Variants in CNTN4 observed in about 807,000 individuals in gnomAD.
The protein encoded by CNTN4 is contactin-4.
Under a neutral mutation model 122.5 loss-of-function variants are expected in CNTN4, and 77 were observed. That is an observed-to-expected ratio of 0.63 (90% confidence interval 0.52 to 0.76). CNTN4 has a LOEUF of 0.76. Among genes scored for constraint, CNTN4 ranks in the 30% least tolerant of loss-of-function variants. The pLI is 0.00. For missense variants in CNTN4, 1,256 were observed against 1,259.1 expected (o/e 1.00, Z 0.04); for synonymous variants, 512 against 447.0 (o/e 1.15, Z -1.83).
At chr3:2,289,846 C>G (rs187474159) in intron 2 of CNTN4, among the ~76,000 whole-genome samples, 2 of 152,124 alleles carry the variant, frequency 1.3e-5, no homozygotes, top group African/African-American at 4.8e-5. Context: ...ACGATAGTGG[C>G]TGAATAACAT....
At chr3:2,339,913 C>T (rs534241799) in intron 3 of CNTN4, among the ~76,000 whole-genome samples, 1 of 152,304 alleles carries the variant, frequency 6.6e-6, no homozygotes, top group South Asian at 2.1e-4. Flanking sequence ...AATCTCTTTG[C>T]TTCCTCTAGC....
intron 13 of CNTN4, among the ~76,000 whole-genome samples, chr3:2,929,008 C>G (rs975124184): frequency 1.3e-5 from 2 of 152,148 alleles, no homozygotes; most frequent in Non-Finnish European, 2.9e-5. Context: ...ACAGCATATT[C>G]ACACTAGCCT....
Position 2,510,377 on chromosome 3 carries a change from T to G in CNTN4, c.-88-61039T>G, listed in dbSNP as rs950747466. On this transcript the variant is annotated intron_variant, in intron 3 of 24. Transcript: ENST00000418658. ...GATCACCTGTTTGTTTGTTTGGGGTTTTTTTTTGTTGTTTATTTGTTTGTT... is the reference window on the plus strand; with the variant it reads ...GATCACCTGTTTGTTTGTTTGGGGTGTTTTTTTGTTGTTTATTTGTTTGTT... Among the ~76,000 whole-genome samples, 89 of 35,716 alleles carry G rather than the reference T, an allele frequency of 2.5e-3. 2 individuals carry two copies. The East Asian group carries it at 0.046, about 18-fold the overall frequency. 23.4% of individuals were successfully genotyped at this position (35,716 alleles called of 152,430 possible).
chr3:2,200,850 C>T (rs964347735), intron 2 of CNTN4, among the ~76,000 whole-genome samples: 5 of 152,058 alleles, frequency 3.3e-5, no homozygotes, highest in Admixed American at 1.3e-4. Flanking sequence ...AGTAGAGAAG[C>T]AGAGAAGAAT....
intron 3 of CNTN4, among the ~76,000 whole-genome samples, chr3:2,399,718 C>G (rs1280708299): frequency 5.9e-5 from 9 of 151,968 alleles, no homozygotes; most frequent in Non-Finnish European, 8.8e-5. Flanking sequence ...TTATGCTTCT[C>G]TAAAAATCAC....
intron 2 of CNTN4, among the ~76,000 whole-genome samples, chr3:2,327,225 A>C (rs1407488007): frequency 6.6e-6 from 1 of 152,074 alleles, no homozygotes; most frequent in Non-Finnish European, 1.5e-5. Context: ...AGTGAGTAGG[A>C]AATGTTTGCA....
rs1414333317 is a variant in CNTN4, at chr3:2,666,855, T to G, written c.56-69360T>G. On this transcript the variant is annotated intron_variant, in intron 4 of 24. Coordinates refer to ENST00000418658, the MANE Select transcript of CNTN4 (RefSeq NM_175607.3). ...AACACACGGTGTTTGGTTTTTTGTCTTTGTGATAGTGTGCTGAGAATGATG... is the reference window on the plus strand; with the variant it reads ...AACACACGGTGTTTGGTTTTTTGTCGTTGTGATAGTGTGCTGAGAATGATG... 2.0e-5 allele frequency among the ~76,000 whole-genome samples: 3 copies of G among 150,910 alleles called. No individual in the cohort carries two copies. The Admixed American group carries it at 2.0e-4, about 10-fold the overall frequency.
chr3:3,044,688 C>T (rs1332816368), intron 23 of CNTN4, among the ~76,000 whole-genome samples: 1 of 152,208 alleles, frequency 6.6e-6, no homozygotes, highest in Non-Finnish European at 1.5e-5. Context: ...GTGAGCAACG[C>T]AGTAGACTGG....
intron 7 of CNTN4, among the ~76,000 whole-genome samples, chr3:2,846,183 C>G (rs2093452675): frequency 6.6e-6 from 1 of 152,036 alleles, no homozygotes; most frequent in Non-Finnish European, 1.5e-5. Context: ...GGCTGTATTC[C>G]CAGCCAAATC....
At chr3:2,246,126 A>G (rs1285193095) in intron 2 of CNTN4, among the ~76,000 whole-genome samples, 1 of 151,930 alleles carries the variant, frequency 6.6e-6, no homozygotes, top group Non-Finnish European at 1.5e-5. Context: ...ACATTCTCTG[A>G]TAGGTTTCTG....
intron 4 of CNTN4, among the ~76,000 whole-genome samples, chr3:2,671,663 C>T (rs543902714): frequency 9.1e-4 from 138 of 152,264 alleles, no homozygotes; most frequent in Middle Eastern, 3.4e-3. Context: ...AGGAGAGGCG[C>T]GCTGATTTTT....
intron 3 of CNTN4, among the ~76,000 whole-genome samples, chr3:2,433,661 G>T (rs915569256): frequency 6.2e-4 from 95 of 152,232 alleles, no homozygotes; most frequent in African/African-American, 2.3e-3. Context: ...TTTGTTGCCT[G>T]CGCTTTTGGG....
chr3:2,209,701 T>A (rs2038522434), intron 2 of CNTN4, among the ~76,000 whole-genome samples: 1 of 152,108 alleles, frequency 6.6e-6, no homozygotes, highest in South Asian at 2.1e-4. Flanking sequence ...AACGCTTGAT[T>A]TTGTAGTAGC....
chr3:2,268,221 T>TA (rs1421996906), intron 2 of CNTN4, among the ~76,000 whole-genome samples: 1 of 152,144 alleles, frequency 6.6e-6, no homozygotes, highest in Non-Finnish European at 1.5e-5. Context: ...TCAGGCCTCT[T>TA]ATGGTGAGGG....
intron 2 of CNTN4, among the ~76,000 whole-genome samples, chr3:2,325,891 A>G (rs746896047): frequency 9.9e-5 from 15 of 152,216 alleles, no homozygotes; most frequent in Admixed American, 3.3e-4. Flanking sequence ...GAAATATGCT[A>G]TCAACAAAAG....
chr3:2,534,964 C>T (rs1197400663), intron 3 of CNTN4, among the ~76,000 whole-genome samples: 1 of 151,984 alleles, frequency 6.6e-6, no homozygotes, highest in Non-Finnish European at 1.5e-5. Context: ...ATCGCCTGTT[C>T]TATCTTTGCA....
intron 8 of CNTN4, among the ~76,000 whole-genome samples, chr3:2,875,386 C>T (rs2093832197): frequency 6.6e-6 from 1 of 152,168 alleles, no homozygotes; most frequent in Non-Finnish European, 1.5e-5. Context: ...GCTGAAATTT[C>T]TTGTAGTTCT....
At chr3:2,115,679 G>A (rs895345655) in intron 2 of CNTN4, among the ~76,000 whole-genome samples, 1 of 152,156 alleles carries the variant, frequency 6.6e-6, no homozygotes, top group African/African-American at 2.4e-5. Flanking sequence ...CTCTCTATTG[G>A]TTTTCAAGTT....
At chr3:2,442,807 A>C (rs901300647) in intron 3 of CNTN4, among the ~76,000 whole-genome samples, 3 of 152,190 alleles carry the variant, frequency 2.0e-5, no homozygotes, top group African/African-American at 7.2e-5. Flanking sequence ...TAAATTACCA[A>C]ACATTTTTGA....
Sources: allele counts gnomAD v4.1 joint callset (sites outside exome capture counted in the v4.1 genomes callset), GRCh38; gene constraint gnomAD v4.1.1; transcripts MANE v1.5; gene names NCBI Gene and HGNC (gene_info 2026-07-23, HGNC 2026-07-21).